Variants in ZNF91 observed in about 807,000 individuals in gnomAD.
ZNF91 encodes zinc finger protein 91 (HPF7, HTF10).
In ZNF91, 7 loss-of-function variants were observed where a neutral mutation model predicts 12.6. The observed-to-expected ratio is 0.55, with a 90% confidence interval of 0.31 to 1.04. The LOEUF is 1.04. ZNF91 is among the 50% of genes least tolerant of loss of function. The pLI is 0.05. For missense variants in ZNF91, 1,217 were observed against 1,385.4 expected (o/e 0.88, Z 1.93); for synonymous variants, 453 against 462.6 (o/e 0.98, Z 0.27).
chr19:23,388,168 C>T (rs540772695), intron 1 of ZNF91, among the ~76,000 whole-genome samples: 2 of 151,956 alleles, frequency 1.3e-5, no homozygotes, highest in African/African-American at 2.4e-5. Context: ...ATTGCTGGAA[C>T]CCGAGAGGCG....
chr19:23,342,769 C>G (rs1037856085), intron 3 of ZNF91, among the ~76,000 whole-genome samples: 1 of 151,928 alleles, frequency 6.6e-6, no homozygotes, highest in Admixed American at 6.6e-5. Flanking sequence ...TTATTCTCAC[C>G]GAGAGACCAG....
intron 3 of ZNF91, chr19:23,342,318 C>G: frequency 2.5e-6 from 1 of 399,616 alleles, no homozygotes; most frequent in Non-Finnish European, 4.6e-6. Flanking sequence ...AGTTACCAAC[C>G]TAGTACTATG....
intron 3 of ZNF91, among the ~76,000 whole-genome samples, chr19:23,363,929 G>A (rs796441897): frequency 6.6e-6 from 1 of 151,962 alleles, no homozygotes; most frequent in African/African-American, 2.4e-5. Context: ...AACAAACTAG[G>A]ATCACAGAAA....
At chr19:23,391,301 TAA>T (rs1251847777) in intron 1 of ZNF91, among the ~76,000 whole-genome samples, 8 of 152,160 alleles carry the variant, frequency 5.3e-5, no homozygotes, top group African/African-American at 1.7e-4. Flanking sequence ...TAACTGAACT[TAA>T]GTTTATTTTC....
intron 3 of ZNF91, among the ~76,000 whole-genome samples, chr19:23,370,627 A>G (rs1051719338): frequency 1.1e-4 from 17 of 152,144 alleles, no homozygotes; most frequent in Admixed American, 6.5e-5. Context: ...CAATCTCTCA[A>G]GTAGCTGGGA....
At chr19:23,382,049 C>CAAAAAAAAAAAAAAAAAAAAAAA (rs60814223) in intron 1 of ZNF91, among the ~76,000 whole-genome samples, 3 of 79,404 alleles carry the variant, frequency 3.8e-5, no homozygotes, top group Non-Finnish European at 5.4e-5. Context: ...AATCCTGAGA[C>CAAAAAAAAAAAAAAAAAAAAAAA]AAAAAAAAAA....
At chr19:23,357,483 C>G (rs905201218), downstream of ZNF91, among the ~76,000 whole-genome samples, 8 of 152,044 alleles carry the variant, frequency 5.3e-5, no homozygotes, top group African/African-American at 1.7e-4. Flanking sequence ...TGATTTTGTT[C>G]CAATATTGCT....
At chr19:23,317,656 T>C (rs529076455) in intron 1 of ZNF91, among the ~76,000 whole-genome samples, 1 of 152,214 alleles carries the variant, frequency 6.6e-6, no homozygotes, top group African/African-American at 2.4e-5. Context: ...AACGTCACAT[T>C]TGGAGGCAGT....
intron 3 of ZNF91, among the ~76,000 whole-genome samples, chr19:23,350,711 C>T (rs1016314142): frequency 6.6e-6 from 1 of 152,138 alleles, no homozygotes; most frequent in African/African-American, 2.4e-5. Context: ...AAGTAGCGTG[C>T]ATCAGCAAGA....
At chr19:23,384,882 C>CT in intron 1 of ZNF91, 1 of 758,332 alleles carries the variant, frequency 1.3e-6, no homozygotes, top group Non-Finnish European at 2.5e-6. Context: ...CCCAAGCTCT[C>CT]ATGTTGCTCT....
chr19:23,344,335 C>T (rs941665696), intron 3 of ZNF91, among the ~76,000 whole-genome samples: 2 of 152,058 alleles, frequency 1.3e-5, no homozygotes, highest in Non-Finnish European at 2.9e-5. Context: ...ACCTCATGAT[C>T]CGCCCGCCTC....
upstream of ZNF91, among the ~76,000 whole-genome samples, chr19:23,314,972 C>G (rs938296844): frequency 1.3e-5 from 2 of 152,136 alleles, no homozygotes; most frequent in Non-Finnish European, 2.9e-5. Context: ...GTGACATATA[C>G]GTCAGCCCAC....
chr19:23,383,545 A>T (rs1239829695), intron 1 of ZNF91, among the ~76,000 whole-genome samples: 1 of 151,990 alleles, frequency 6.6e-6, no homozygotes, highest in Admixed American at 6.6e-5. Context: ...AAAATTAGCC[A>T]GGTGTGGTGG....
At chr19:23,334,984 A>T (rs1005510623), downstream of ZNF91, among the ~76,000 whole-genome samples, 7 of 152,186 alleles carry the variant, frequency 4.6e-5, no homozygotes, top group Admixed American at 2.6e-4. Context: ...AATTTTTTAA[A>T]CTTTTTATTT....
intron 1 of ZNF91, among the ~76,000 whole-genome samples, chr19:23,375,577 T>TTGGG (rs1229769659): frequency 2.6e-5 from 4 of 152,196 alleles, no homozygotes; most frequent in African/African-American, 9.7e-5. Flanking sequence ...TCACTAGTAA[T>TTGGG]GCCAATGTTT....
intron 1 of ZNF91, among the ~76,000 whole-genome samples, chr19:23,318,707 T>A (rs932531494): frequency 2.0e-5 from 3 of 152,210 alleles, no homozygotes; most frequent in African/African-American, 7.2e-5. Flanking sequence ...TGACTCTCCT[T>A]GTTTGCCTGC....
chr19:23,353,720 G>A (rs1968421425), downstream of ZNF91, among the ~76,000 whole-genome samples: 1 of 152,112 alleles, frequency 6.6e-6, no homozygotes, highest in South Asian at 2.1e-4. Flanking sequence ...TAACCAAGAA[G>A]AGAGAAAATC....
chr19:23,388,565 A>G lies in ZNF91; in HGVS notation c.30+6760T>C, dbSNP rs558242149. Among the ~76,000 whole-genome samples, 4 of 152,146 alleles carry G rather than the reference A, an allele frequency of 2.6e-5. No individual in the cohort carries two copies. The East Asian group carries it at 7.7e-4, about 29-fold the overall frequency. On this transcript the variant is annotated intron_variant, in intron 1 of 3. Coordinates refer to ENST00000300619, the MANE Select transcript of ZNF91 (RefSeq NM_003430.4). ...TTATAGCAACATGAAGCTGGAGACC[A>G]TTATTCTTGGAAAACCAATGCGGAG...
chr19:23,384,602 T>G (rs1357657660), intron 1 of ZNF91: 1 of 934,900 alleles, frequency 1.1e-6, no homozygotes, highest in East Asian at 3.7e-5. Context: ...ACTGAGACAT[T>G]CTGTCTCCCG....
Sources: allele counts gnomAD v4.1 joint callset (sites outside exome capture counted in the v4.1 genomes callset), GRCh38; gene constraint gnomAD v4.1.1; transcripts MANE v1.5; gene names NCBI Gene and HGNC (gene_info 2026-07-23, HGNC 2026-07-21).